The following TM2D1 variants were observed in gnomAD, a reference collection of about 807,000 sequenced individuals.
The protein encoded by TM2D1 is TM2 domain-containing protein 1.
Under a neutral mutation model 28.4 loss-of-function variants are expected in TM2D1, and 15 were observed. The observed-to-expected ratio is 0.53, with a 90% confidence interval of 0.35 to 0.81. The LOEUF is 0.81. TM2D1 is among the 40% of genes least tolerant of loss of function. TM2D1 has a pLI of 0.01. For synonymous variants in TM2D1, 93 were observed against 96.2 expected (o/e 0.97, Z 0.20); for missense variants, 236 against 254.9 (o/e 0.93, Z 0.50).
At chr1:61,691,932 A>AAAAAT in intron 5 of TM2D1, among the ~76,000 whole-genome samples, 13 of 76,404 alleles carry the variant, frequency 1.7e-4, no homozygotes, top group Admixed American at 3.4e-4. Flanking sequence ...AAAAAAAAAA[A>AAAAAT]ATATATATAT....
intron 2 of TM2D1, among the ~76,000 whole-genome samples, chr1:61,713,488 C>CAAAAAAAAAAAAAAAAA (rs369601221): frequency 1.1e-5 from 1 of 91,396 alleles, no homozygotes. Flanking sequence ...AACTCAAAAA[C>CAAAAAAAAAAAAAAAAA]AAAAAAAAAA....
intron 5 of TM2D1, among the ~76,000 whole-genome samples, chr1:61,691,933 A>AAAATATATATATATATATATATATATATG: frequency 1.2e-5 from 1 of 83,038 alleles, no homozygotes; most frequent in Non-Finnish European, 2.6e-5. Flanking sequence ...AAAAAAAAAA[A>AAAATATATATATATATATATATATATATG]TATATATATA....
At chr1:61,692,883 ACT>A (rs1178428974) in intron 5 of TM2D1, among the ~76,000 whole-genome samples, 5 of 147,990 alleles carry the variant, frequency 3.4e-5, no homozygotes, top group South Asian at 4.3e-4. Flanking sequence ...ATGTTCACAC[ACT>A]CTAACTCTAC....
intron 1 of TM2D1, among the ~76,000 whole-genome samples, 185 bp from the exon 2 acceptor site, chr1:61,723,971 G>C (rs1570135240): frequency 6.6e-6 from 1 of 152,128 alleles, no homozygotes. Context: ...GAGGCAGGAG[G>C]ATCACTGGAG....
intron 5 of TM2D1, among the ~76,000 whole-genome samples, chr1:61,687,104 G>A (rs1644290398): frequency 6.6e-6 from 1 of 152,206 alleles, no homozygotes; most frequent in Non-Finnish European, 1.5e-5. Context: ...AGCACTTAGG[G>A]AGGCCGAGGC....
At chr1:61,723,598 ATAATGTTATCATT>A (rs1644583180) in intron 2 of TM2D1, 102 bp downstream of exon 2, 11 of 507,168 alleles carry the variant, frequency 2.2e-5, no homozygotes, top group Middle Eastern at 5.2e-4. Context: ...AAACTGAATA[ATAATGTTATCATT>A]TAGAAAAAAT....
chr1:61,720,598 C>T (rs967995675), intron 2 of TM2D1, among the ~76,000 whole-genome samples: 1 of 151,888 alleles, frequency 6.6e-6, no homozygotes, highest in Non-Finnish European at 1.5e-5. Context: ...TCACCTATAC[C>T]ACCAAGCAGA....
At chr1:61,698,734 A>C (rs1317364704) in intron 4 of TM2D1, 1 of 139,080 alleles carries the variant, frequency 7.2e-6, no homozygotes, top group African/African-American at 2.9e-5. Context: ...TAGTTGTAAA[A>C]TGGGATTTTT....
chr1:61,699,116 G>C, intron 4 of TM2D1: 1 of 152,194 alleles, frequency 6.6e-6, no homozygotes, highest in East Asian at 1.9e-4. Context: ...GCTGAGGTGA[G>C]AGGACAGCTT....
chr1:61,723,441 A>C (rs1001749816), intron 2 of TM2D1, among the ~76,000 whole-genome samples: 27 of 152,222 alleles, frequency 1.8e-4, no homozygotes, highest in Admixed American at 1.6e-3. Flanking sequence ...ATATAAGTAC[A>C]CTTGCCTAAC....
At chr1:61,707,974 A>G (rs1241303665) in intron 3 of TM2D1, among the ~76,000 whole-genome samples, 1 of 152,214 alleles carries the variant, frequency 6.6e-6, no homozygotes, top group Non-Finnish European at 1.5e-5. Context: ...ATAACACTAA[A>G]TCATGTTTTT....
chr1:61,688,582 G>A (rs960927725), intron 5 of TM2D1, among the ~76,000 whole-genome samples: 3 of 152,158 alleles, frequency 2.0e-5, no homozygotes, highest in Non-Finnish European at 2.9e-5. Flanking sequence ...AATCAGCTGG[G>A]CGCGGTGGCA....
At chr1:61,692,992 T>C (rs551111908) in intron 5 of TM2D1, among the ~76,000 whole-genome samples, 9 of 152,286 alleles carry the variant, frequency 5.9e-5, no homozygotes, top group South Asian at 2.1e-4. Context: ...CCTGTAATAA[T>C]AGCCCTTTGG....
intron 3 of TM2D1, among the ~76,000 whole-genome samples, chr1:61,704,620 C>T (rs1178061644): frequency 6.6e-6 from 1 of 151,992 alleles, no homozygotes; most frequent in Admixed American, 6.6e-5. Flanking sequence ...TCAGTAGAGA[C>T]AGGGTTTCAC....
intron 3 of TM2D1, among the ~76,000 whole-genome samples, chr1:61,702,769 A>G (rs1644411618): frequency 1.3e-5 from 2 of 151,646 alleles, no homozygotes; most frequent in African/African-American, 4.8e-5. Flanking sequence ...TATATATGTA[A>G]CATATATAAA....
At chr1:61,702,155 A>ACT (rs1051081191) in intron 3 of TM2D1, among the ~76,000 whole-genome samples, 2 of 151,812 alleles carry the variant, frequency 1.3e-5, no homozygotes, top group Non-Finnish European at 2.9e-5. Flanking sequence ...GCACCACTGC[A>ACT]CTCCAGCCTG....
intron 2 of TM2D1, among the ~76,000 whole-genome samples, chr1:61,712,459 G>A (rs1201661440): frequency 2.6e-5 from 4 of 152,126 alleles, no homozygotes; most frequent in African/African-American, 9.7e-5. Context: ...TGCACAGGCT[G>A]GAGTGCCCTG....
At chr1:61,722,219 G>A (rs1047876988) in intron 2 of TM2D1, among the ~76,000 whole-genome samples, 6 of 152,090 alleles carry the variant, frequency 3.9e-5, no homozygotes, top group Non-Finnish European at 7.4e-5. Flanking sequence ...CTGGGAGGTG[G>A]AGGTTGCAGT....
At chr1:61,702,332 T>C (rs946865901) in intron 3 of TM2D1, among the ~76,000 whole-genome samples, 6 of 151,618 alleles carry the variant, frequency 4.0e-5, no homozygotes, top group Admixed American at 6.6e-5. Context: ...ATATATAATA[T>C]ATATAAAGAT....
Sources: gnomAD v4.1 joint callset for allele counts (sites outside exome capture counted in the v4.1 genomes callset) on GRCh38, gnomAD v4.1.1 for gene constraint, MANE v1.5 for transcripts, NCBI Gene and HGNC (gene_info 2026-07-23, HGNC 2026-07-21) for gene names.